Variants in CACNA2D1 observed in about 807,000 individuals in gnomAD.
The protein encoded by CACNA2D1 is voltage-dependent calcium channel subunit alpha-2/delta-1.
CACNA2D1 carries 53 observed loss-of-function variants against 171.5 expected under a neutral mutation model. The observed-to-expected ratio is 0.31, with a 90% CI of 0.25 to 0.39. The LOEUF (loss-of-function observed/expected upper bound fraction) is 0.39, where lower values mean the gene tolerates loss of function less well. Ranked by LOEUF, CACNA2D1 falls within the 10% of genes least tolerant of loss-of-function variation. The probability of loss-of-function intolerance (pLI) is 1.00; values close to 1 mark genes in which losing one functional copy is unlikely to be tolerated. For synonymous variants in CACNA2D1, 442 were observed against 443.1 expected, an observed-to-expected ratio of 1.00 and a Z score of 0.03; for missense variants, 903 against 1,299.8, an observed-to-expected ratio of 0.69 and a Z score of 4.69.
Position 81,962,488 on chromosome 7 carries a change from G to T in CACNA2D1, c.2788C>A (p.Leu930Ile), listed in dbSNP as rs147349654. Residue 930 changes from leucine (L) to isoleucine (I), a missense_variant, in exon 35 of 39, where the codon CTA becomes ATA. By Grantham distance (5) the Leu-to-Ile change is conservative. This residue lies in a region of CACNA2D1 where 623 missense variants were observed against 925.5 expected (regional missense o/e 0.67). Coordinates refer to ENST00000356860, the MANE Select transcript of CACNA2D1 (RefSeq NM_000722.4). ...WWATAAAWSI[L>I]QQFLLSLTFP... is the part of the protein sequence containing the mutation. ...GTCAAACTCAAGAGAAACTGCTGTAGAATAGACCTGAATTTTTCAAATAAA... is the reference window on the plus strand; with the variant it reads ...GTCAAACTCAAGAGAAACTGCTGTATAATAGACCTGAATTTTTCAAATAAA... 4 of 1,588,668 alleles carry T rather than the reference G, an allele frequency of 2.5e-6. No individual in the cohort carries two copies. Among genetic ancestry groups the T allele is most frequent in the African/African-American group, 2.7e-5 (2 of 74,094 alleles).
At chr7:82,226,758 G>A (rs1224639984) in intron 3 of CACNA2D1, among the ~76,000 whole-genome samples, 4 of 152,102 alleles carry the variant, frequency 2.6e-5, no homozygotes, top group African/African-American at 4.8e-5. Context: ...GTATCTTAGC[G>A]ACTGTTTTTC....
intron 1 of CACNA2D1, among the ~76,000 whole-genome samples, chr7:82,370,968 A>C (rs1461857641): frequency 6.6e-6 from 1 of 152,224 alleles, no homozygotes; most frequent in Non-Finnish European, 1.5e-5. Flanking sequence ...ATATGTAAAA[A>C]AATAAATATC....
chr7:82,358,211 T>C (rs1820680521), intron 1 of CACNA2D1, among the ~76,000 whole-genome samples: 1 of 152,166 alleles, frequency 6.6e-6, no homozygotes, highest in Admixed American at 6.5e-5. Context: ...CTATTTTTGT[T>C]ATATAATAAA....
chr7:82,302,015 C>A (rs986422390), intron 3 of CACNA2D1, among the ~76,000 whole-genome samples: 1 of 152,118 alleles, frequency 6.6e-6, no homozygotes, highest in African/African-American at 2.4e-5. Context: ...CCACCTCAGC[C>A]TCCCAAAGTG....
At chr7:81,955,281 G>A (rs1373282760) in intron 38 of CACNA2D1, among the ~76,000 whole-genome samples, 1 of 152,072 alleles carries the variant, frequency 6.6e-6, no homozygotes, top group African/African-American at 2.4e-5. Context: ...CTTGTGAGCA[G>A]AACCTAATCC....
At position 82,405,833 on chromosome 7, in the gene CACNA2D1, G is replaced by A. The variant is rs73386026; in HGVS notation, c.95+37532C>T. Among the ~76,000 whole-genome samples, 510 of 152,184 alleles carry A rather than the reference G, an allele frequency of 3.4e-3. 2 individuals are homozygous for A. The highest frequency in any genetic ancestry group is 0.012 in the African/African-American group (490 of 41,518). On this transcript the variant is annotated intron_variant, in intron 1 of 38. Coordinates refer to ENST00000356860, the MANE Select transcript of CACNA2D1 (RefSeq NM_000722.4). ...AAAAAGAAAAGAATGTATTTTTGAG[G>A]AGCCCTGGCTCAGAAATCATAGCTT...
chr7:82,290,579 T>TAA (rs113699646), intron 3 of CACNA2D1, among the ~76,000 whole-genome samples: 2 of 136,008 alleles, frequency 1.5e-5, no homozygotes, highest in East Asian at 2.2e-4. Flanking sequence ...GGTCGTATAT[T>TAA]AAAAAAAAAA....
At chr7:82,271,470 T>C (rs1387118226) in intron 3 of CACNA2D1, among the ~76,000 whole-genome samples, 2 of 152,106 alleles carry the variant, frequency 1.3e-5, no homozygotes, top group East Asian at 3.8e-4. Flanking sequence ...TTTTCTACCA[T>C]CCACAAATGA....
At chr7:82,287,262 C>CT (rs60221780) in intron 3 of CACNA2D1, among the ~76,000 whole-genome samples, 49,590 of 147,200 alleles carry the variant, frequency 0.34, 8,436 homozygotes, top group Non-Finnish European at 0.39. Context: ...TCTTTTCTTT[C>CT]TTTTTTTTTT....
At chr7:82,252,248 G>A (rs770429943) in intron 3 of CACNA2D1, among the ~76,000 whole-genome samples, 8 of 152,108 alleles carry the variant, frequency 5.3e-5, no homozygotes, top group African/African-American at 9.7e-5. Context: ...TTTGCAAACT[G>A]CTTGATGTAA....
chr7:82,128,681 G>C (rs532932827), intron 5 of CACNA2D1, among the ~76,000 whole-genome samples: 2 of 152,008 alleles, frequency 1.3e-5, no homozygotes, highest in Non-Finnish European at 2.9e-5. Flanking sequence ...TAATAAACAC[G>C]AAAGAACAGT....
At chr7:81,960,169 C>G (rs1476180730) in intron 36 of CACNA2D1, among the ~76,000 whole-genome samples, 2 of 151,874 alleles carry the variant, frequency 1.3e-5, no homozygotes, top group African/African-American at 4.8e-5. Context: ...ATGCTTATGC[C>G]AAAGTTGCCT....
intron 3 of CACNA2D1, among the ~76,000 whole-genome samples, chr7:82,218,229 C>T (rs1050761409): frequency 2.6e-5 from 4 of 152,176 alleles, no homozygotes; most frequent in East Asian, 1.9e-4. Context: ...CCACCGTGTC[C>T]GGCCGACTAC....
chr7:82,160,660 G>A (rs1390349241), intron 4 of CACNA2D1, among the ~76,000 whole-genome samples: 1 of 151,998 alleles, frequency 6.6e-6, no homozygotes. Context: ...ACCTTGTAGA[G>A]ACAAGGTCTC....
At chr7:82,047,259 C>G (rs925179820) in intron 10 of CACNA2D1, among the ~76,000 whole-genome samples, 1 of 152,124 alleles carries the variant, frequency 6.6e-6, no homozygotes, top group Non-Finnish European at 1.5e-5. Context: ...AATTTGAATG[C>G]CAGCTCCTGA....
In CACNA2D1 at chr7:82,371,006, C is replaced by T. The variant is rs150701262; in HGVS notation, c.96-21357G>A. On this transcript the variant is annotated intron_variant, in intron 1 of 38. Coordinates refer to ENST00000356860, the MANE Select transcript of CACNA2D1 (RefSeq NM_000722.4). Reference sequence around the variant, plus strand: ...ATTCTATATGCAGTCACACAAGGAGCACTGTAAGCAGTGAACACTACTGAA... The same window carrying T: ...ATTCTATATGCAGTCACACAAGGAGTACTGTAAGCAGTGAACACTACTGAA... 2.5e-3 allele frequency among the ~76,000 whole-genome samples: 379 copies of T among 152,150 alleles called. 3 individuals carry two copies. The highest frequency in any genetic ancestry group is 8.6e-3 in the African/African-American group (358 of 41,500).
chr7:81,992,604 A>T (rs1435842053), intron 20 of CACNA2D1, among the ~76,000 whole-genome samples: 2 of 152,230 alleles, frequency 1.3e-5, no homozygotes, highest in Non-Finnish European at 2.9e-5. Context: ...AAAATACAGT[A>T]TCAGAAAACA....
intron 3 of CACNA2D1, among the ~76,000 whole-genome samples, chr7:82,309,452 C>T (rs369690773): frequency 2.0e-5 from 3 of 151,782 alleles, no homozygotes; most frequent in East Asian, 3.9e-4. Flanking sequence ...CAGAACTATA[C>T]TAAATATAAT....
At chr7:82,304,991 C>T (rs997122455) in intron 3 of CACNA2D1, among the ~76,000 whole-genome samples, 1 of 152,072 alleles carries the variant, frequency 6.6e-6, no homozygotes, top group African/African-American at 2.4e-5. Flanking sequence ...TAAGTATGTA[C>T]ACATATTATG....
Sources: gnomAD v4.1 joint callset for allele counts (sites outside exome capture counted in the v4.1 genomes callset) on GRCh38, gnomAD v4.1.1 for gene constraint, gnomAD v4.1.1 regional missense constraint, MANE v1.5 for transcripts, NCBI Gene and HGNC (gene_info 2026-07-23, HGNC 2026-07-21) for gene names.